LAMA5: variants seen among roughly 807,000 people sequenced by gnomAD.
The protein encoded by LAMA5 is laminin subunit alpha-5.
In LAMA5, 260 loss-of-function variants were observed where a neutral mutation model predicts 433.4. The ratio of observed to expected loss-of-function variants is 0.60; its 90% CI spans 0.54 to 0.66. LAMA5 has a LOEUF of 0.66. LAMA5 is among the 30% of genes least tolerant of loss of function. The pLI, the probability that LAMA5 is intolerant of heterozygous loss-of-function variation, is 0.00. For missense variants in LAMA5, 5,378 were observed against 5,258.5 expected, an observed-to-expected ratio of 1.02 and a Z score of -0.70; for synonymous variants, 2,620 against 2,226.6, an observed-to-expected ratio of 1.18 and a Z score of -4.97.
At chr20:62,325,922 C>T (rs1307270590) in intron 40 of LAMA5, among the ~76,000 whole-genome samples, 1 of 152,184 alleles carries the variant, frequency 6.6e-6, no homozygotes, top group African/African-American at 2.4e-5. Context: ...TAAGGCCGTT[C>T]ATCAGAAGAC....
chr20:62,323,633 C>T lies in LAMA5; in HGVS notation c.5887G>A (p.Gly1963Ser). The change falls in exon 45 of 80, where the codon GGC becomes AGC. Residue 1963 changes from glycine (G) to serine (S), a missense_variant. By Grantham distance (56) the Gly-to-Ser change is moderately conservative. Transcript: ENST00000252999. ...CAGTCGCATGGCTGGCAGGAGCTGCCCAGCACCAGTGGGTTCCCAAAGAAT... is the reference window on the plus strand; with the variant it reads ...CAGTCGCATGGCTGGCAGGAGCTGCTCAGCACCAGTGGGTTCCCAAAGAAT... ...PGFFGNPLVL[G>S]SSCQPCDCSG... 2.5e-6 allele frequency: 4 copies of T among 1,611,142 alleles called. No homozygotes were observed. The highest frequency in any genetic ancestry group is 3.4e-6 in the Non-Finnish European group (4 of 1,179,300).
Position 62,337,807 on chromosome 20 carries a change from C to T in LAMA5, c.2023G>A (p.Val675Ile). 2 of 1,612,394 alleles carry T rather than the reference C, an allele frequency of 1.2e-6. No homozygotes were observed. ...SPGFHGFPSC[V>I]PCHCSAEGSL... ...CACTTCCTCCCTAGGCACTCACGGA[C>T]ACAGCTGGGGAAGCCGTGAAAGCCG... The change falls in exon 15 of 80, where the codon GTC becomes ATC. Residue 675 changes from valine to isoleucine, a missense_variant. By Grantham distance (29) the Val-to-Ile change is conservative. Coordinates refer to ENST00000252999, the MANE Select transcript of LAMA5 (RefSeq NM_005560.6).
chr20:62,322,831 G>A, intron 45 of LAMA5, 73 bp from the exon 46 acceptor site: 5 of 989,740 alleles, frequency 5.1e-6, no homozygotes, highest in Non-Finnish European at 5.7e-6. Context: ...ACCCTCCTAA[G>A]CCCTCACTTC....
rs1979125967 is a variant in LAMA5 at position 62,325,468 on chromosome 20, G to A, written c.5377C>T (p.Leu1793=). The A allele has an allele frequency of 6.2e-7, 1 of 1,612,950 alleles. No individual in the cohort carries two copies. The highest frequency in any genetic ancestry group is 1.1e-5 in the South Asian group (1 of 91,082). Residue 1793 remains leucine, a synonymous_variant, in exon 41 of 80, where the codon CTG becomes TTG. Coordinates refer to ENST00000252999, the MANE Select transcript of LAMA5 (RefSeq NM_005560.6). ...TGTGAGAAGAGGGCACGGATCTGCAGCTGCTCCAGGCTGGCCAGCACCATC... is the reference window on the plus strand; with the variant it reads ...TGTGAGAAGAGGGCACGGATCTGCAACTGCTCCAGGCTGGCCAGCACCATC... ...LMMVLASLEQ[L]QIRALFSQIS...
chr20:62,313,626 T>C lies in LAMA5; in HGVS notation c.8658+23A>G, dbSNP rs1986570172. ...CGGGGCTGCGGAGCCCCTCCCAGGCTGCCCCAGGCCGGGCGGGCTCACCGT... is the reference window on the plus strand; with the variant it reads ...CGGGGCTGCGGAGCCCCTCCCAGGCCGCCCCAGGCCGGGCGGGCTCACCGT... On this transcript the variant is annotated intron_variant, in intron 63 of 79. Transcript: ENST00000252999. 7 of 1,611,278 alleles carry C rather than the reference T, an allele frequency of 4.3e-6. No homozygotes were observed. In the East Asian group the frequency reaches 6.7e-5, roughly 15 times the overall value.
In LAMA5 at chr20:62,318,506, C is replaced by G; in HGVS notation, c.7187G>C (p.Arg2396Pro). ...EALNRAVDAT[R>P]EAQELNSRNQ... ...GCGGCTGTTGAGCTCCTGGGCCTCC[C>G]GTGTGGCGTCCACTGCCCGGTTCAA... Residue 2396 changes from arginine (R) to proline (P), a missense_variant, in exon 53 of 80, where the codon CGG becomes CCG. Coordinates refer to ENST00000252999, the MANE Select transcript of LAMA5 (RefSeq NM_005560.6). The G allele has an allele frequency of 6.2e-7, 1 of 1,608,996 alleles. No individual in the cohort carries two copies. Among genetic ancestry groups the G allele is most frequent in the Non-Finnish European group, 8.5e-7 (1 of 1,178,902 alleles).
Position 62,309,152 on chromosome 20 carries a change from C to T in LAMA5, c.*184G>A. The T allele has an allele frequency of 1.5e-6, 1 of 662,842 alleles. No homozygotes were observed. Among genetic ancestry groups the T allele is most frequent in the Non-Finnish European group, 2.4e-6 (1 of 415,414 alleles). The allele number at this position is 662,842 out of a possible 1,614,324, so 41.1% of individuals were successfully genotyped here. A position where few individuals can be genotyped will look rare whatever the true frequency, so the allele number is the denominator to read the frequency against. On this transcript the variant is annotated 3_prime_UTR_variant, in exon 80 of 80. Coordinates refer to ENST00000252999, the MANE Select transcript of LAMA5 (RefSeq NM_005560.6). ...CACAATTAAAAATGGGTGGAAGGGCCAAATATAAAAACATTTTGCAGTATT... is the reference window on the plus strand; with the variant it reads ...CACAATTAAAAATGGGTGGAAGGGCTAAATATAAAAACATTTTGCAGTATT...
In LAMA5 at chr20:62,318,462, C is replaced by T. The variant is rs1987293144; in HGVS notation, c.7231G>A (p.Glu2411Lys). Reference sequence around the variant, plus strand: ...AAGTCCGGGGTCCTCACCAGGGCTTCCTCCAGGCGCTCCTGGTTGCGGCTG... The same window carrying T: ...AAGTCCGGGGTCCTCACCAGGGCTTTCTCCAGGCGCTCCTGGTTGCGGCTG... ...LNSRNQERLE[E>K]ALQRKQELSR... Residue 2411 changes from glutamate to lysine, a missense_variant, in exon 53 of 80, where the codon GAA (glutamate) becomes AAA (lysine). Transcript: ENST00000252999. 1 of 1,590,870 alleles carries T rather than the reference C, an allele frequency of 6.3e-7. No homozygotes were observed. The highest frequency in any genetic ancestry group is 8.5e-7 in the Non-Finnish European group (1 of 1,170,158).
Position 62,320,790 on chromosome 20 carries a change from G to A in LAMA5, c.6597C>T (p.Ser2199=). 1 of 1,612,712 alleles carries A rather than the reference G, an allele frequency of 6.2e-7. No homozygotes were observed. The highest frequency in any genetic ancestry group is 8.5e-7 in the Non-Finnish European group (1 of 1,179,920). The change falls in exon 49 of 80, where the codon TCC becomes TCT. Residue 2199 remains serine, a synonymous_variant. Coordinates refer to ENST00000252999, the MANE Select transcript of LAMA5 (RefSeq NM_005560.6). ...GCCTGTGCAGACGGGCCCAGGCCAT[G>A]GAGCTGGCATTGATGCCACGCAGTT... ...HEQLRGINAS[S]MAWARLHRLN...
At chr20:62,341,476 G>T (rs1982580857) in intron 11 of LAMA5, among the ~76,000 whole-genome samples, 1 of 152,166 alleles carries the variant, frequency 6.6e-6, no homozygotes, top group Non-Finnish European at 1.5e-5. Flanking sequence ...GAGGTTCCCA[G>T]CATCCCTAGC....
chr20:62,312,912 C>A lies in LAMA5; in HGVS notation c.9054G>T (p.Pro3018=). The change falls in exon 66 of 80, where the codon CCG becomes CCT. Residue 3018 remains proline (P), a synonymous_variant. Coordinates refer to ENST00000252999, the MANE Select transcript of LAMA5 (RefSeq NM_005560.6). ...CCGCCTTGCTGGCCGAGGTCAGGGG[C>A]GGTGGGGGCTGCAGTGGGACGGCCT... The part of the protein sequence containing the change: ...LKKAVPLQPP[P]PLTSASKAIQ... 1.9e-6 allele frequency: 3 copies of A among 1,583,622 alleles called. No individual in the cohort carries two copies. The highest frequency in any genetic ancestry group is 2.7e-5 in the African/African-American group (2 of 74,586).
Position 62,317,759 on chromosome 20 carries a change from G to A in LAMA5, c.7259C>T (p.Ser2420Phe), listed in dbSNP as rs759030817. Reference protein sequence around the residue: ...EEALQRKQELSRDNATLQATL... With the variant: ...EEALQRKQELFRDNATLQATL... ...GGCCTGCAGGGTGGCATTGTCCCGG[G>A]ACAGCTCCTGCTTCCTTTGCTGAAG... is the stretch of plus-strand genomic sequence containing the variant. The change falls in exon 54 of 80, where the codon TCC becomes TTC. Residue 2420 changes from serine (S) to phenylalanine (F), a missense_variant. Transcript: ENST00000252999. 10 of 1,603,536 alleles carry A rather than the reference G, an allele frequency of 6.2e-6. No individual in the cohort carries two copies. The highest frequency in any genetic ancestry group is 1.3e-5 in the African/African-American group (1 of 74,170).
In LAMA5 at chr20:62,367,183, C is replaced by T. The variant is rs1601447848; in HGVS notation, c.63G>A (p.Pro21=). 3 of 1,230,132 alleles carry T rather than the reference C, an allele frequency of 2.4e-6. No individual in the cohort carries two copies. The highest frequency in any genetic ancestry group is 7.0e-5 in the East Asian group (2 of 28,378). 76.2% of individuals were successfully genotyped at this position (1,230,132 alleles called of 1,614,324 possible). Residue 21 remains proline, a synonymous_variant, in exon 1 of 80, where the codon CCG becomes CCA. Coordinates refer to ENST00000252999, the MANE Select transcript of LAMA5 (RefSeq NM_005560.6). ...LCVRGPRGPA[P]LLLVGLALLG... is the part of the protein sequence containing the mutation. The stretch of plus-strand genomic sequence containing the variant: ...GCAGCGCCAGCCCGACCAGCAGCAG[C>T]GGCGCGGGGCCCCGGGGGCCGCGAA...
At position 62,328,435 on chromosome 20, in the gene LAMA5, G is replaced by A. The variant is rs766756162; in HGVS notation, c.4458C>T (p.Cys1486=). The change falls in exon 35 of 80, where the codon TGC becomes TGT. Residue 1486 remains cysteine, a synonymous_variant. Coordinates refer to ENST00000252999, the MANE Select transcript of LAMA5 (RefSeq NM_005560.6). ...TGAGCTCGTCACAGAGGCGGGCACC[G>A]CAGTCACAGGCTGTGGGGCGGGTAC... ...WGFPNCRPCD[C]GARLCDELTG... 51 of 1,496,548 alleles carry A rather than the reference G, an allele frequency of 3.4e-5. No homozygotes were observed. Among genetic ancestry groups the A allele is most frequent in the Admixed American group, 1.6e-4 (7 of 44,780 alleles). 92.7% of individuals were successfully genotyped at this position (1,496,548 alleles called of 1,614,324 possible). A position where few individuals can be genotyped will look rare whatever the true frequency, so the allele number is the denominator to read the frequency against.
At chr20:62,321,881 C>CAGGCATGGGTCTCTCGGGAAATGGA in intron 48 of LAMA5, 138 bp downstream of exon 48, 1 of 833,452 alleles carries the variant, frequency 1.2e-6, no homozygotes, top group Non-Finnish European at 2.0e-6. Flanking sequence ...TGGAGTTGGA[C>CAGGCATGGGTCTCTCGGGAAATGGA]AGGCATGGGT....
chr20:62,339,857 G>A (rs1982307729), intron 11 of LAMA5, among the ~76,000 whole-genome samples: 1 of 152,252 alleles, frequency 6.6e-6, no homozygotes. Flanking sequence ...ACAGAGGCAA[G>A]GACGATCGTG....
At position 62,322,134 on chromosome 20, in the gene LAMA5, G is replaced by A. The variant is rs1397555778; in HGVS notation, c.6381C>T (p.His2127=). ...CCGGGGGGCAGTTGCAGCGGCCCGT[G>A]TGAGGGTCACAGCGGCCCCCAGGGC... ...CQCPGGRCDP[H]TGRCNCPPGL... is the part of the protein sequence containing the mutation. The change falls in exon 48 of 80, where the codon CAC becomes CAT. Residue 2127 remains histidine, a synonymous_variant. Coordinates refer to ENST00000252999, the MANE Select transcript of LAMA5 (RefSeq NM_005560.6). 2.0e-5 allele frequency: 32 copies of A among 1,602,448 alleles called. No homozygotes were observed. Among genetic ancestry groups the A allele is most frequent in the Non-Finnish European group, 2.7e-5 (32 of 1,177,850 alleles).
chr20:62,311,835 C>T, intron 70 of LAMA5, 51 bp from the exon 71 acceptor site: 5 of 1,555,852 alleles, frequency 3.2e-6, no homozygotes, highest in Admixed American at 1.8e-5. Context: ...TGCCCACCCC[C>T]ACCTCAGAGG....
At position 62,360,166 on chromosome 20, in the gene LAMA5, C is replaced by T. The variant is rs1039033885; in HGVS notation, c.450+2234G>A. Among the ~76,000 whole-genome samples, 6 of 150,682 alleles carry T rather than the reference C, an allele frequency of 4.0e-5. No homozygotes were observed. In the Middle Eastern group the frequency reaches 0.01, roughly 256 times the overall value. Reference sequence around the variant, plus strand: ...AGGCTGGCAGCCCCCTGGCCTAGGCCGAGACAGGGGCCTTGGTAGATACAT... The same window carrying T: ...AGGCTGGCAGCCCCCTGGCCTAGGCTGAGACAGGGGCCTTGGTAGATACAT... On this transcript the variant is annotated intron_variant, in intron 2 of 79. Coordinates refer to ENST00000252999, the MANE Select transcript of LAMA5 (RefSeq NM_005560.6).
Sources: gnomAD v4.1 joint callset for allele counts (sites outside exome capture counted in the v4.1 genomes callset) on GRCh38, gnomAD v4.1.1 for gene constraint, MANE v1.5 for transcripts, NCBI Gene and HGNC (gene_info 2026-07-23, HGNC 2026-07-21) for gene names.